The following CORIN variants were observed in gnomAD, a reference collection of about 807,000 sequenced individuals.
CORIN encodes the protein atrial natriuretic peptide-converting enzyme.
A neutral mutation model predicts 125.3 loss-of-function variants in CORIN; 117 were observed. The ratio of observed to expected loss-of-function variants is 0.93; its 90% CI spans 0.80 to 1.09. The LOEUF is 1.09. Among genes scored for constraint, CORIN ranks in the 50% least tolerant of loss-of-function variants. The pLI is 0.00. For missense variants in CORIN, 1,253 were observed against 1,306.7 expected, an observed-to-expected ratio of 0.96 and a Z score of 0.63; for synonymous variants, 450 against 466.4, an observed-to-expected ratio of 0.96 and a Z score of 0.45.
chr4:47,791,073 G>A (rs1374255730), intron 2 of CORIN, among the ~76,000 whole-genome samples: 1 of 152,122 alleles, frequency 6.6e-6, no homozygotes, highest in Non-Finnish European at 1.5e-5. Context: ...TGAATATTCT[G>A]CTTTACATAC....
intron 10 of CORIN, among the ~76,000 whole-genome samples, chr4:47,672,634 GTA>G (rs1013690451): frequency 2.0e-5 from 3 of 151,762 alleles, no homozygotes; most frequent in Non-Finnish European, 2.9e-5. Context: ...GTGTGTGTGT[GTA>G]TATATATACA....
At chr4:47,635,058 A>T (rs577380586) in intron 16 of CORIN, among the ~76,000 whole-genome samples, 1 of 152,344 alleles carries the variant, frequency 6.6e-6, no homozygotes, top group African/African-American at 2.4e-5. Flanking sequence ...TTGAAATTAG[A>T]TTTGACATGT....
chr4:47,825,911 C>T (rs4694867), intron 1 of CORIN, among the ~76,000 whole-genome samples: 15,717 of 151,856 alleles, frequency 0.1, 1,242 homozygotes, highest in East Asian at 0.31. Context: ...ACCGTGTTGT[C>T]CGGACTGGTC....
chr4:47,793,595 G>A (rs528572844), intron 2 of CORIN, among the ~76,000 whole-genome samples: 2 of 152,184 alleles, frequency 1.3e-5, no homozygotes, highest in African/African-American at 4.8e-5. Flanking sequence ...AGAAAGCATT[G>A]CTGGCACCAA....
intron 5 of CORIN, among the ~76,000 whole-genome samples, chr4:47,707,442 G>A (rs959903918): frequency 3.3e-5 from 5 of 152,120 alleles, no homozygotes; most frequent in Non-Finnish European, 7.3e-5. Context: ...ATATTTCCCA[G>A]CTGAAATTCC....
At chr4:47,660,933 C>T (rs1214319465) in intron 12 of CORIN, among the ~76,000 whole-genome samples, 1 of 152,126 alleles carries the variant, frequency 6.6e-6, no homozygotes, top group Non-Finnish European at 1.5e-5. Context: ...ACCTAAGTGT[C>T]CATCAAAAGA....
At chr4:47,756,334 AC>A (rs1462876138) in intron 4 of CORIN, among the ~76,000 whole-genome samples, 1 of 152,250 alleles carries the variant, frequency 6.6e-6, no homozygotes, top group Non-Finnish European at 1.5e-5. Flanking sequence ...GTAGGGACTT[AC>A]AACTGGCTAT....
At chr4:47,602,252 CAG>C (rs1485069909) in intron 20 of CORIN, among the ~76,000 whole-genome samples, 9 of 152,144 alleles carry the variant, frequency 5.9e-5, no homozygotes, top group Non-Finnish European at 1.2e-4. Context: ...GCCTGGGTGA[CAG>C]AGTGAGACTC....
intron 19 of CORIN, among the ~76,000 whole-genome samples, chr4:47,604,009 GA>G (rs1224940262): frequency 6.6e-6 from 1 of 152,188 alleles, no homozygotes; most frequent in Admixed American, 6.5e-5. Flanking sequence ...AAGTGAAAAA[GA>G]AGAGGAAGCC....
intron 17 of CORIN, 58 bp downstream of exon 17, chr4:47,626,347 A>G (rs1469852504): frequency 1.7e-5 from 17 of 1,025,594 alleles, no homozygotes; most frequent in Admixed American, 1.7e-5. Context: ...GAAAGGCCCA[A>G]TGATAAACTC....
At chr4:47,798,458 A>G (rs982026944) in intron 2 of CORIN, among the ~76,000 whole-genome samples, 1 of 152,202 alleles carries the variant, frequency 6.6e-6, no homozygotes, top group African/African-American at 2.4e-5. Flanking sequence ...TAACTACAAA[A>G]CTTTGTATGA....
chr4:47,667,978 T>C (rs1206141923), intron 10 of CORIN, among the ~76,000 whole-genome samples: 1 of 152,170 alleles, frequency 6.6e-6, no homozygotes, highest in Admixed American at 6.5e-5. Context: ...ATGGGATTAG[T>C]GCCCTTATAA....
At chr4:47,786,309 C>A (rs1429753880) in intron 3 of CORIN, among the ~76,000 whole-genome samples, 6 of 151,730 alleles carry the variant, frequency 4.0e-5, no homozygotes, top group African/African-American at 4.8e-5. Flanking sequence ...CCGAGGCGGG[C>A]GGATCACTTG....
intron 1 of CORIN, among the ~76,000 whole-genome samples, chr4:47,825,826 A>ATT (rs1732723496): frequency 6.6e-6 from 1 of 151,114 alleles, no homozygotes; most frequent in Non-Finnish European, 1.5e-5. Flanking sequence ...TCAGCCTGCC[A>ATT]ACTAGCTTAC....
At chr4:47,625,409 C>A (rs1466299142) in intron 17 of CORIN, among the ~76,000 whole-genome samples, 2 of 151,804 alleles carry the variant, frequency 1.3e-5, no homozygotes, top group Non-Finnish European at 2.9e-5. Flanking sequence ...TTTACCAACT[C>A]CCAATCTAGA....
At chr4:47,647,146 T>A (rs1358532191) in intron 13 of CORIN, among the ~76,000 whole-genome samples, 1 of 152,096 alleles carries the variant, frequency 6.6e-6, no homozygotes, top group East Asian at 1.9e-4. Flanking sequence ...CCAGACAGCA[T>A]CTGAAAAGTT....
intron 19 of CORIN, among the ~76,000 whole-genome samples, chr4:47,617,707 A>G (rs1722121098): frequency 6.6e-6 from 1 of 152,228 alleles, no homozygotes. Flanking sequence ...AGTAGATGGA[A>G]TAGAAAGACA....
chr4:47,641,788 T>C (rs1417480802), intron 16 of CORIN, 132 bp downstream of exon 16: 7 of 1,078,082 alleles, frequency 6.5e-6, no homozygotes, highest in Non-Finnish European at 9.3e-6. Flanking sequence ...TCTCACCTGA[T>C]TCATTTCCCG....
At chr4:47,746,707 T>C (rs549530070) in intron 4 of CORIN, among the ~76,000 whole-genome samples, 1 of 152,202 alleles carries the variant, frequency 6.6e-6, no homozygotes, top group Admixed American at 6.5e-5. Flanking sequence ...GCTAATTTTG[T>C]ATTTTTAGTA....
Sources: gnomAD v4.1 joint callset for allele counts (sites outside exome capture counted in the v4.1 genomes callset) on GRCh38, gnomAD v4.1.1 for gene constraint, MANE v1.5 for transcripts, NCBI Gene and HGNC (gene_info 2026-07-23, HGNC 2026-07-21) for gene names.